Variants in LMX1A observed in about 807,000 individuals in gnomAD.
LMX1A encodes the protein LIM homeobox transcription factor 1 alpha.
A neutral mutation model predicts 49.1 loss-of-function variants in LMX1A; 15 were observed. That is an observed-to-expected ratio of 0.31 (90% CI 0.20 to 0.47). The LOEUF (loss-of-function observed/expected upper bound fraction) is 0.47. Among genes scored for constraint, LMX1A ranks in the 20% least tolerant of loss-of-function variants. LMX1A has a pLI of 1.00. For missense variants in LMX1A, 372 were observed against 475.8 expected, an observed-to-expected ratio of 0.78 and a Z score of 2.03; for synonymous variants, 167 against 185.7, an observed-to-expected ratio of 0.90 and a Z score of 0.82.
chr1:165,292,360 A>G (rs564384522), intron 3 of LMX1A, among the ~76,000 whole-genome samples: 1 of 152,334 alleles, frequency 6.6e-6, no homozygotes, highest in South Asian at 2.1e-4. Flanking sequence ...AGATCTGAGA[A>G]CCACACAGGT....
chr1:165,307,884 TTTAAATTTTAAC>T (rs1180604374), intron 3 of LMX1A, among the ~76,000 whole-genome samples: 3 of 152,146 alleles, frequency 2.0e-5, no homozygotes, highest in Admixed American at 6.5e-5. Flanking sequence ...AACAACACAT[TTTAAATTTTAAC>T]TTTATTTTTA....
At chr1:165,315,923 C>A (rs1259615220) in intron 3 of LMX1A, among the ~76,000 whole-genome samples, 2 of 152,206 alleles carry the variant, frequency 1.3e-5, no homozygotes, top group Non-Finnish European at 2.9e-5. Context: ...AATTGGAAAT[C>A]TTAAAGACGC....
At chr1:165,347,042 T>C (rs150185081) in intron 3 of LMX1A, among the ~76,000 whole-genome samples, 135 of 152,344 alleles carry the variant, frequency 8.9e-4, no homozygotes, top group African/African-American at 3.1e-3. Context: ...TGGTCAATGA[T>C]AACGTAACTA....
intron 3 of LMX1A, among the ~76,000 whole-genome samples, chr1:165,278,902 G>T (rs367754812): frequency 2.6e-5 from 4 of 152,164 alleles, no homozygotes; most frequent in Non-Finnish European, 5.9e-5. Flanking sequence ...GCAGGACCCC[G>T]CAAGGGCCAT....
chr1:165,266,691 T>C, intron 3 of LMX1A, among the ~76,000 whole-genome samples: 1 of 129,546 alleles, frequency 7.7e-6, no homozygotes, highest in East Asian at 2.8e-4. Context: ...CAGCTCCGCC[T>C]CCCGGGTTCA....
intron 2 of LMX1A, among the ~76,000 whole-genome samples, chr1:165,354,931 C>G (rs928456411): frequency 1.2e-4 from 18 of 152,168 alleles, no homozygotes; most frequent in African/African-American, 4.1e-4. Context: ...CCACAGGACC[C>G]GACATCCAGC....
chr1:165,210,752 T>C lies in LMX1A; in HGVS notation c.694A>G (p.Thr232Ala). ...TGGACGACACGGACACTCAGCCCTG[T>C]CTCTGCAGCCAGAGTCTCTCTCACC... ...RKVRETLAAE[T>A]GLSVRVVQVW... is the part of the protein sequence containing the mutation. Residue 232 changes from threonine (T) to alanine (A), a missense_variant, in exon 6 of 9, where the codon ACA becomes GCA. By Grantham distance (58) the Thr-to-Ala change is moderately conservative. This residue lies in a region of LMX1A where 46 missense variants were observed against 93.8 expected (regional missense o/e 0.49). Coordinates refer to ENST00000342310, the MANE Select transcript of LMX1A (RefSeq NM_177398.4). The C allele has an allele frequency of 6.2e-7, 1 of 1,613,956 alleles. No homozygotes were observed. The highest frequency in any genetic ancestry group is 8.5e-7 in the Non-Finnish European group (1 of 1,179,908).
At chr1:165,319,882 T>A (rs1655331409) in intron 3 of LMX1A, among the ~76,000 whole-genome samples, 1 of 152,188 alleles carries the variant, frequency 6.6e-6, no homozygotes, top group Non-Finnish European at 1.5e-5. Context: ...TACTAAGCAT[T>A]TACTTAGCTT....
intron 3 of LMX1A, among the ~76,000 whole-genome samples, chr1:165,310,979 C>A (rs186207113): frequency 6.6e-6 from 1 of 152,196 alleles, no homozygotes. Context: ...ACCATGATGT[C>A]CCCCAGATCT....
At chr1:165,278,287 A>T (rs921581456) in intron 3 of LMX1A, among the ~76,000 whole-genome samples, 5 of 152,188 alleles carry the variant, frequency 3.3e-5, no homozygotes, top group African/African-American at 1.2e-4. Flanking sequence ...TGCTATCAAC[A>T]TCTAGCGTAT....
intron 3 of LMX1A, among the ~76,000 whole-genome samples, chr1:165,266,949 C>G (rs1278437477): frequency 6.6e-6 from 1 of 152,036 alleles, no homozygotes; most frequent in East Asian, 1.9e-4. Context: ...CTTTCTTTCT[C>G]TCTCTTTTTC....
In LMX1A at chr1:165,249,493, C is replaced by T. The variant is rs1224241894; in HGVS notation, c.411G>A (p.Leu137=). ...RQLQKGDEFV[L]KEGQLLCKGD... ...CTTTGCAGAGCAGCTGCCCCTCCTT[C>T]AGGACAAACTCATCACCCTTCTGAA... Residue 137 remains leucine (L), a synonymous_variant, in exon 4 of 9, where the codon CTG becomes CTA. Transcript: ENST00000342310. 2.5e-6 allele frequency: 4 copies of T among 1,614,224 alleles called. No homozygotes were observed. The East Asian group carries it at 6.7e-5, about 27-fold the overall frequency.
At chr1:165,313,216 T>C (rs1173937685) in intron 3 of LMX1A, among the ~76,000 whole-genome samples, 3 of 152,148 alleles carry the variant, frequency 2.0e-5, no homozygotes, top group Admixed American at 1.3e-4. Flanking sequence ...AATTAATAAT[T>C]ATATATAAAA....
intron 3 of LMX1A, among the ~76,000 whole-genome samples, chr1:165,264,944 C>G (rs1653572719): frequency 6.6e-6 from 1 of 152,200 alleles, no homozygotes; most frequent in East Asian, 1.9e-4. Context: ...TGGCTCACAC[C>G]TGTAATCCCA....
intron 3 of LMX1A, among the ~76,000 whole-genome samples, chr1:165,323,649 T>C (rs758523828): frequency 1.3e-5 from 2 of 152,214 alleles, no homozygotes; most frequent in Non-Finnish European, 2.9e-5. Context: ...TTTTTAAAGA[T>C]CTGAATCCAA....
chr1:165,239,303 C>T (rs1392053369), intron 4 of LMX1A, among the ~76,000 whole-genome samples: 6 of 152,146 alleles, frequency 3.9e-5, no homozygotes, highest in African/African-American at 1.4e-4. Context: ...ATTGTCTGAA[C>T]CTGTATATTG....
chr1:165,249,377 A>C (rs755995826), intron 4 of LMX1A, 31 bp downstream of exon 4: 6 of 1,519,154 alleles, frequency 3.9e-6, no homozygotes, highest in Non-Finnish European at 5.5e-6. Context: ...TACCCACCCC[A>C]CCGCAGCCCT....
At chr1:165,345,308 A>G (rs1656206670) in intron 3 of LMX1A, among the ~76,000 whole-genome samples, 1 of 152,216 alleles carries the variant, frequency 6.6e-6, no homozygotes, top group African/African-American at 2.4e-5. Flanking sequence ...AGCTGCTCCA[A>G]AGAGCTCTTC....
chr1:165,320,775 G>C (rs1395078067), intron 3 of LMX1A, among the ~76,000 whole-genome samples: 1 of 152,158 alleles, frequency 6.6e-6, no homozygotes, highest in Admixed American at 6.5e-5. Context: ...TAGAGATAAG[G>C]CCATCCACCT....
Sources: gnomAD v4.1 joint callset for allele counts (sites outside exome capture counted in the v4.1 genomes callset) on GRCh38, gnomAD v4.1.1 for gene constraint, gnomAD v4.1.1 regional missense constraint, MANE v1.5 for transcripts, NCBI Gene and HGNC (gene_info 2026-07-23, HGNC 2026-07-21) for gene names.